The following SCAI variants were observed in gnomAD, a reference collection of about 807,000 sequenced individuals.
The protein encoded by SCAI is suppressor of cancer cell invasion.
Under a neutral mutation model 92.2 loss-of-function variants are expected in SCAI, and 24 were observed. The ratio of observed to expected loss-of-function variants is 0.26; its 90% CI spans 0.19 to 0.37. The LOEUF is 0.37. Among genes scored for constraint, SCAI ranks in the 10% least tolerant of loss-of-function variants. The pLI, the probability that SCAI is intolerant of heterozygous loss-of-function variation, is 1.00. For synonymous variants in SCAI, 261 were observed against 258.6 expected (o/e 1.01, Z -0.09); for missense variants, 450 against 736.2 (o/e 0.61, Z 4.50).
intron 2 of SCAI, among the ~76,000 whole-genome samples, chr9:125,059,883 C>T (rs971413827): frequency 6.6e-5 from 10 of 152,146 alleles, no homozygotes; most frequent in Admixed American, 5.2e-4. Context: ...AAATCCTACT[C>T]TTATACAGCA....
Position 124,951,064 on chromosome 9 carries a change from A to G in SCAI, c.*1743T>C, listed in dbSNP as rs1564353976. 1 of 150,950 alleles carries G rather than the reference A, an allele frequency of 6.6e-6. No individual in the cohort carries two copies. Among genetic ancestry groups the G allele is most frequent in the East Asian group, 1.9e-4 (1 of 5,178 alleles). 9.4% of individuals were successfully genotyped at this position (150,950 alleles called of 1,614,324 possible). Reference sequence around the variant, plus strand: ...CAAAGCAAGACTCTGTCTCTTAAAAAAAAAAAAAAAAAAAAGTAAAATACT... The same window carrying G: ...CAAAGCAAGACTCTGTCTCTTAAAAGAAAAAAAAAAAAAAAGTAAAATACT... On this transcript the variant is annotated 3_prime_UTR_variant, in exon 18 of 18. Transcript: ENST00000336505.
At chr9:125,069,463 G>A (rs182603282) in intron 2 of SCAI, among the ~76,000 whole-genome samples, 3,421 of 150,134 alleles carry the variant, frequency 0.023, 140 homozygotes, top group African/African-American at 0.079. Context: ...GACTACAGGC[G>A]CCCACCACCA....
At chr9:124,990,921 C>A (rs1832105503) in intron 14 of SCAI, among the ~76,000 whole-genome samples, 1 of 152,036 alleles carries the variant, frequency 6.6e-6, no homozygotes, top group Admixed American at 6.6e-5. Flanking sequence ...TGAGACCCAC[C>A]CCAGGTGAAG....
At chr9:125,079,397 TA>T (rs1379854572) in intron 2 of SCAI, among the ~76,000 whole-genome samples, 1 of 152,170 alleles carries the variant, frequency 6.6e-6, no homozygotes, top group Non-Finnish European at 1.5e-5. Flanking sequence ...AATAGGATAT[TA>T]AAAGGGAGAG....
chr9:125,064,546 A>T (rs758048591), intron 2 of SCAI, among the ~76,000 whole-genome samples: 1 of 152,088 alleles, frequency 6.6e-6, no homozygotes, highest in Non-Finnish European at 1.5e-5. Context: ...TAGCCAAAAT[A>T]TTACTAAAAA....
intron 12 of SCAI, among the ~76,000 whole-genome samples, chr9:125,000,842 C>A (rs1832343674): frequency 6.6e-6 from 1 of 152,078 alleles, no homozygotes. Flanking sequence ...AGTTCTGGTT[C>A]TGAAGTTAGC....
At chr9:125,137,529 A>C (rs1835565913) in intron 2 of SCAI, among the ~76,000 whole-genome samples, 1 of 152,112 alleles carries the variant, frequency 6.6e-6, no homozygotes, top group African/African-American at 2.4e-5. Context: ...ATATACCAAA[A>C]CCACATTGCT....
chr9:125,060,780 G>A (rs1214915986), intron 2 of SCAI, among the ~76,000 whole-genome samples: 1 of 152,122 alleles, frequency 6.6e-6, no homozygotes, highest in African/African-American at 2.4e-5. Context: ...GGACCTATAA[G>A]TCCAATTAAA....
chr9:124,984,493 G>A (rs2131605559), intron 14 of SCAI, among the ~76,000 whole-genome samples: 1 of 152,294 alleles, frequency 6.6e-6, no homozygotes, highest in Admixed American at 6.5e-5. Context: ...GAGCCAGGAT[G>A]AGGCAGAGGA....
intron 2 of SCAI, among the ~76,000 whole-genome samples, chr9:125,112,311 C>A (rs1480696994): frequency 2.0e-5 from 3 of 151,944 alleles, no homozygotes; most frequent in African/African-American, 7.3e-5. Flanking sequence ...AGAAAAAAAA[C>A]TCAAGTATCT....
chr9:125,095,006 G>A (rs1834515489), intron 2 of SCAI, among the ~76,000 whole-genome samples: 1 of 152,106 alleles, frequency 6.6e-6, no homozygotes, highest in Non-Finnish European at 1.5e-5. Context: ...CACACACGAA[G>A]TTGTGACAGA....
intron 2 of SCAI, among the ~76,000 whole-genome samples, chr9:125,112,440 A>G (rs1055298833): frequency 6.6e-6 from 1 of 152,250 alleles, no homozygotes; most frequent in African/African-American, 2.4e-5. Flanking sequence ...TATTATAACT[A>G]TAGGGGCAAG....
chr9:125,109,683 A>G (rs1255172649), intron 2 of SCAI, among the ~76,000 whole-genome samples: 3 of 151,442 alleles, frequency 2.0e-5, no homozygotes, highest in Non-Finnish European at 2.9e-5. Flanking sequence ...CTATCTATCT[A>G]TCTATCTATG....
At chr9:125,039,718 G>C (rs1833281188) in intron 3 of SCAI, among the ~76,000 whole-genome samples, 1 of 152,134 alleles carries the variant, frequency 6.6e-6, no homozygotes, top group Non-Finnish European at 1.5e-5. Context: ...TATTTATATA[G>C]GGCTTGGTTA....
chr9:125,077,794 C>T (rs1834122809), intron 2 of SCAI, among the ~76,000 whole-genome samples: 2 of 152,148 alleles, frequency 1.3e-5, no homozygotes, highest in African/African-American at 4.8e-5. Context: ...TCTTGGCTCA[C>T]TACAACCTCT....
intron 6 of SCAI, among the ~76,000 whole-genome samples, chr9:125,024,252 T>C (rs890136547): frequency 6.6e-6 from 1 of 151,674 alleles, no homozygotes; most frequent in African/African-American, 2.4e-5. Flanking sequence ...GAAATATGAA[T>C]GTAAAATTGA....
At chr9:125,028,784 G>A (rs1451877281) in intron 4 of SCAI, among the ~76,000 whole-genome samples, 3 of 150,306 alleles carry the variant, frequency 2.0e-5, no homozygotes, top group Admixed American at 6.9e-5. Flanking sequence ...TTAAAAATCG[G>A]ACAAGAACAT....
chr9:125,101,294 T>C (rs1303056486), intron 2 of SCAI, among the ~76,000 whole-genome samples: 1 of 152,196 alleles, frequency 6.6e-6, no homozygotes, highest in East Asian at 1.9e-4. Context: ...GCTACTGTAT[T>C]GGGAGACAAG....
intron 9 of SCAI, among the ~76,000 whole-genome samples, chr9:125,012,312 G>T (rs1431026220): frequency 6.6e-6 from 1 of 151,998 alleles, no homozygotes; most frequent in African/African-American, 2.4e-5. Flanking sequence ...ACACACATAG[G>T]CTCAAAATAA....
Sources: gnomAD v4.1 joint callset for allele counts (sites outside exome capture counted in the v4.1 genomes callset) on GRCh38, gnomAD v4.1.1 for gene constraint, MANE v1.5 for transcripts, NCBI Gene and HGNC (gene_info 2026-07-23, HGNC 2026-07-21) for gene names.